Variants in ADAM32 observed in about 807,000 individuals in gnomAD.
ADAM32 encodes the protein ADAM metallopeptidase domain 32, also known as disintegrin and metalloproteinase domain-containing protein 32.
A neutral mutation model predicts 114.9 loss-of-function variants in ADAM32; 89 were observed. That is an observed-to-expected ratio of 0.77 (90% CI 0.65 to 0.92). The LOEUF is 0.92. Among genes scored for constraint, ADAM32 ranks in the 40% least tolerant of loss-of-function variants. The probability of loss-of-function intolerance (pLI) is 0.00; values close to 1 mark genes in which losing one functional copy is unlikely to be tolerated. For missense variants in ADAM32, 870 were observed against 932.8 expected, an observed-to-expected ratio of 0.93 and a Z score of 0.88; for synonymous variants, 285 against 307.5, an observed-to-expected ratio of 0.93 and a Z score of 0.77.
chr8:39,158,304 A>G (rs141751857), intron 6 of ADAM32: 233 of 175,390 alleles, frequency 1.3e-3, no homozygotes, highest in African/African-American at 4.8e-3. Flanking sequence ...AGTTTCTTGC[A>G]GTACTTGGTA....
upstream of ADAM32, chr8:39,107,715 C>A (rs1355231192): frequency 5.2e-6 from 8 of 1,549,210 alleles, no homozygotes; most frequent in East Asian, 2.0e-4. Context: ...CGCGCGTCCC[C>A]GCGTCCCTGG....
intron 20 of ADAM32, among the ~76,000 whole-genome samples, chr8:39,271,876 G>C (rs369188068): frequency 2.0e-5 from 3 of 151,914 alleles, no homozygotes; most frequent in East Asian, 1.9e-4. Context: ...CTGAAGTTAT[G>C]GTTAAAAAAT....
intron 12 of ADAM32, 151 bp from the exon 13 acceptor site, chr8:39,221,459 T>C (rs1808954047): frequency 1.6e-6 from 1 of 616,730 alleles, no homozygotes; most frequent in South Asian, 2.1e-5. Context: ...ATTAGTGTTT[T>C]AAATATTTAA....
intron 11 of ADAM32, among the ~76,000 whole-genome samples, chr8:39,196,633 T>A (rs1422632207): frequency 1.3e-5 from 2 of 152,168 alleles, no homozygotes; most frequent in Non-Finnish European, 2.9e-5. Context: ...TGATGTATCA[T>A]ATTTACTAAT....
intron 2 of ADAM32, among the ~76,000 whole-genome samples, chr8:39,131,358 G>A (rs1802445062): frequency 6.6e-6 from 1 of 152,132 alleles, no homozygotes; most frequent in South Asian, 2.1e-4. Flanking sequence ...AGCCATGGTG[G>A]CACATGCCTG....
Position 39,234,043 on chromosome 8 carries a change from ACTGGCTGTC to A in ADAM32, c.1780_1788del (p.Leu594_Val596del). ...AATTGCCTCGAACAGTTCCAGATCC[ACTGGCTGTC>A]AAAAATGGCTCTCAGTGTGATATTG... On this transcript the variant is annotated inframe_deletion, in exon 16 of 25. Transcript: ENST00000379907. The A allele has an allele frequency of 6.7e-7, 1 of 1,499,072 alleles. No homozygotes were observed. Among genetic ancestry groups the A allele is most frequent in the South Asian group, 1.4e-5 (1 of 70,240 alleles). 92.9% of individuals were successfully genotyped at this position (1,499,072 alleles called of 1,614,324 possible). A position where few individuals can be genotyped will look rare whatever the true frequency, so the allele number is the denominator to read the frequency against.
intron 23 of ADAM32, among the ~76,000 whole-genome samples, chr8:39,281,565 C>A (rs1037790073): frequency 6.6e-6 from 1 of 152,136 alleles, no homozygotes; most frequent in Non-Finnish European, 1.5e-5. Flanking sequence ...TCAATGTGAA[C>A]AACTGAGCGA....
intron 19 of ADAM32, among the ~76,000 whole-genome samples, chr8:39,260,739 G>T (rs954226767): frequency 6.6e-6 from 1 of 151,914 alleles, no homozygotes; most frequent in Non-Finnish European, 1.5e-5. Context: ...TCTAACTTTG[G>T]TATCAGAGTA....
chr8:39,160,779 G>T, intron 6 of ADAM32, 118 bp from the exon 7 acceptor site: 1 of 860,134 alleles, frequency 1.2e-6, no homozygotes, highest in South Asian at 2.0e-5. Flanking sequence ...TAACCAATTT[G>T]ATAAAGCAAA....
intron 19 of ADAM32, among the ~76,000 whole-genome samples, chr8:39,268,525 A>G (rs1812507618): frequency 6.6e-6 from 1 of 152,166 alleles, no homozygotes; most frequent in Non-Finnish European, 1.5e-5. Context: ...TAATTTGCAA[A>G]CATGTTATCT....
chr8:39,233,722 TC>T (rs1809901071), intron 15 of ADAM32, among the ~76,000 whole-genome samples, 176 bp from the exon 16 acceptor site: 1 of 152,174 alleles, frequency 6.6e-6, no homozygotes, highest in African/African-American at 2.4e-5. Context: ...TAAGCTAGGA[TC>T]AATGGATTTA....
intron 10 of ADAM32, among the ~76,000 whole-genome samples, chr8:39,172,487 G>A (rs1358452320): frequency 6.6e-6 from 1 of 151,946 alleles, no homozygotes; most frequent in Non-Finnish European, 1.5e-5. Flanking sequence ...TCCCTTCCCT[G>A]GCCCCCTGAC....
At chr8:39,176,270 G>T (rs1805526175) in intron 10 of ADAM32, among the ~76,000 whole-genome samples, 1 of 151,910 alleles carries the variant, frequency 6.6e-6, no homozygotes, top group Non-Finnish European at 1.5e-5. Flanking sequence ...TCTTTTAGTT[G>T]GCATGTTAGG....
chr8:39,145,623 T>G (rs1264135308), intron 3 of ADAM32, among the ~76,000 whole-genome samples: 1 of 152,180 alleles, frequency 6.6e-6, no homozygotes, highest in East Asian at 1.9e-4. Flanking sequence ...TCTATCATTA[T>G]CACTGAAGAA....
chr8:39,210,539 C>T (rs981944711), intron 11 of ADAM32, among the ~76,000 whole-genome samples: 1 of 152,136 alleles, frequency 6.6e-6, no homozygotes, highest in African/African-American at 2.4e-5. Context: ...TAAATCGTCA[C>T]TTTCAAGACA....
At chr8:39,110,030 G>A (rs1249894806) in intron 1 of ADAM32, among the ~76,000 whole-genome samples, 1 of 151,866 alleles carries the variant, frequency 6.6e-6, no homozygotes, top group Non-Finnish European at 1.5e-5. Context: ...ATGCATTTAA[G>A]GTTCTCCCAT....
chr8:39,281,932 T>G (rs1272338626), intron 23 of ADAM32, among the ~76,000 whole-genome samples: 2 of 152,190 alleles, frequency 1.3e-5, no homozygotes, highest in Middle Eastern at 3.2e-3. Flanking sequence ...AAACATTATA[T>G]GGTTTGTATT....
intron 1 of ADAM32, among the ~76,000 whole-genome samples, chr8:39,117,718 A>C (rs1299070768): frequency 6.6e-6 from 1 of 152,002 alleles, no homozygotes; most frequent in Non-Finnish European, 1.5e-5. Context: ...ATTTCAGTAG[A>C]ATATGTTTTA....
intron 11 of ADAM32, among the ~76,000 whole-genome samples, chr8:39,204,544 C>T (rs1807681581): frequency 6.6e-6 from 1 of 152,128 alleles, no homozygotes; most frequent in Non-Finnish European, 1.5e-5. Context: ...AATATTTTTT[C>T]AAGCTTTTTA....
Sources: gnomAD v4.1 joint callset for allele counts (sites outside exome capture counted in the v4.1 genomes callset) on GRCh38, gnomAD v4.1.1 for gene constraint, MANE v1.5 for transcripts, NCBI Gene and HGNC (gene_info 2026-07-23, HGNC 2026-07-21) for gene names.